Variants in PARD3B observed in about 807,000 individuals in gnomAD.
The protein encoded by PARD3B is partitioning defective 3 homolog B.
PARD3B carries 103 observed loss-of-function variants against 130.2 expected under a neutral mutation model. The observed-to-expected ratio is 0.79, with a 90% CI of 0.67 to 0.93. The LOEUF (loss-of-function observed/expected upper bound fraction) is 0.93. Among genes scored for constraint, PARD3B ranks in the 40% least tolerant of loss-of-function variants. The probability of loss-of-function intolerance (pLI) is 0.00; values close to 1 mark genes in which losing one functional copy is unlikely to be tolerated. For missense variants in PARD3B, 1,609 were observed against 1,499.2 expected (o/e 1.07, Z -1.21); for synonymous variants, 583 against 553.2 (o/e 1.05, Z -0.76).
rs1340058013 is a variant in PARD3B, at chr2:205,021,245, GTA to G, written c.395-26334_395-26333del. Among the ~76,000 whole-genome samples, 9 of 152,260 alleles carry G rather than the reference GTA, an allele frequency of 5.9e-5. No homozygotes were observed. Among genetic ancestry groups the G allele is most frequent in the Non-Finnish European group, 1.5e-5 (1 of 68,018 alleles). The stretch of plus-strand genomic sequence containing the variant: ...AGTTTGGTAGAAATACATCCACACT[GTA>G]TGAGTCTCAATTTTAAAACTCCCTT... On this transcript the variant is annotated intron_variant, in intron 3 of 22. Transcript: ENST00000406610. The surrounding 1 kb of genome is among the most constrained non-coding windows in gnomAD (Gnocchi z 4.5).
intron 1 of PARD3B, among the ~76,000 whole-genome samples, chr2:204,566,011 A>G (rs955758615): frequency 3.3e-5 from 5 of 152,216 alleles, no homozygotes; most frequent in East Asian, 1.9e-4. Flanking sequence ...TTAACTACCA[A>G]TGAGTGGCAG....
chr2:205,380,340 A>T (rs867848333), intron 18 of PARD3B, among the ~76,000 whole-genome samples: 67 of 16,820 alleles, frequency 4.0e-3, no homozygotes, highest in Non-Finnish European at 4.8e-3. Flanking sequence ...ATATATAAAG[A>T]ATATATAATA....
At chr2:204,648,497 G>A (rs2035349574) in intron 1 of PARD3B, among the ~76,000 whole-genome samples, 1 of 143,800 alleles carries the variant, frequency 7.0e-6, no homozygotes. Context: ...TAAATACTTA[G>A]TAATTCATTA....
At chr2:204,914,583 G>A (rs1423941728) in intron 2 of PARD3B, among the ~76,000 whole-genome samples, 2 of 152,166 alleles carry the variant, frequency 1.3e-5, no homozygotes, top group African/African-American at 4.8e-5. Context: ...GCTGTTTCCT[G>A]TGAAAAACAG....
chr2:205,364,416 C>T (rs2044521656), intron 18 of PARD3B, among the ~76,000 whole-genome samples: 1 of 152,216 alleles, frequency 6.6e-6, no homozygotes, highest in Non-Finnish European at 1.5e-5. Flanking sequence ...CTGAGTCCTC[C>T]TTGTTACAGG....
At chr2:204,978,174 G>A (rs1233423324) in intron 3 of PARD3B, among the ~76,000 whole-genome samples, 4 of 152,124 alleles carry the variant, frequency 2.6e-5, no homozygotes, top group Non-Finnish European at 5.9e-5. Context: ...AGAAGACTGG[G>A]GAGTGGCATT....
intron 6 of PARD3B, among the ~76,000 whole-genome samples, chr2:205,118,713 T>C (rs906614491): frequency 6.6e-6 from 1 of 152,218 alleles, no homozygotes; most frequent in African/African-American, 2.4e-5. Flanking sequence ...TTGGTACTTA[T>C]GCATATTTAT....
intron 2 of PARD3B, among the ~76,000 whole-genome samples, chr2:204,956,348 A>G (rs1690235638): frequency 6.6e-6 from 1 of 152,198 alleles, no homozygotes; most frequent in African/African-American, 2.4e-5. Flanking sequence ...TTGAATATGG[A>G]TGTTACAATA....
intron 4 of PARD3B, among the ~76,000 whole-genome samples, chr2:205,050,436 C>T (rs1000539949): frequency 6.6e-6 from 1 of 151,436 alleles, no homozygotes; most frequent in African/African-American, 2.4e-5. Flanking sequence ...TTAATATATC[C>T]TTGCATAGCC....
chr2:205,424,936 A>C (rs1162782496), intron 19 of PARD3B, among the ~76,000 whole-genome samples: 1 of 152,212 alleles, frequency 6.6e-6, no homozygotes, highest in Non-Finnish European at 1.5e-5. Context: ...GGAGAATATA[A>C]ATAAAATAAA....
chr2:205,493,708 C>G (rs1300790914), intron 20 of PARD3B, among the ~76,000 whole-genome samples: 1 of 149,592 alleles, frequency 6.7e-6, no homozygotes, highest in African/African-American at 2.5e-5. Flanking sequence ...AAAGCCATTT[C>G]TTTTCATTTA....
rs949704823 is a variant in PARD3B at position 204,678,614 on chromosome 2, C to A, written c.121-7567C>A. ...AGTCGTGTGGTCTGACATTAAGCCG[C>A]GTCTAGCCTTAGTCTCTGATGCGCA... On this transcript the variant is annotated intron_variant, in intron 1 of 22. Transcript: ENST00000406610. This position sits in a 1 kb window ranked among gnomAD's most constrained non-coding sequence, Gnocchi z 4.2. Among the ~76,000 whole-genome samples, 1 of 151,990 alleles carries A rather than the reference C, an allele frequency of 6.6e-6. No individual in the cohort carries two copies. The highest frequency in any genetic ancestry group is 1.5e-5 in the Non-Finnish European group (1 of 68,010).
chr2:205,391,121 C>T (rs745808456), intron 18 of PARD3B, among the ~76,000 whole-genome samples: 7 of 152,338 alleles, frequency 4.6e-5, no homozygotes, highest in Middle Eastern at 3.4e-3. Context: ...GTCAAACGGG[C>T]AACCTCCCAC....
chr2:205,237,889 T>C (rs2039141181), intron 15 of PARD3B, among the ~76,000 whole-genome samples: 1 of 152,208 alleles, frequency 6.6e-6, no homozygotes. Flanking sequence ...TGTCCCAGAA[T>C]TGGACCCCAA....
intron 19 of PARD3B, among the ~76,000 whole-genome samples, chr2:205,426,059 C>G (rs2047134921): frequency 6.6e-6 from 1 of 152,020 alleles, no homozygotes; most frequent in Non-Finnish European, 1.5e-5. Context: ...CTTACAATGT[C>G]AGATCTGGTT....
intron 1 of PARD3B, among the ~76,000 whole-genome samples, chr2:204,571,407 A>G (rs1295376992): frequency 6.6e-6 from 1 of 152,184 alleles, no homozygotes; most frequent in Non-Finnish European, 1.5e-5. Context: ...TAACTTTTAC[A>G]TGCTGCCAAG....
chr2:205,213,553 A>G (rs1400037138), intron 15 of PARD3B, among the ~76,000 whole-genome samples: 1 of 152,196 alleles, frequency 6.6e-6, no homozygotes, highest in Non-Finnish European at 1.5e-5. Context: ...TCATCTTACT[A>G]TCTGGGCAGG....
rs1397791916 is a variant in PARD3B, at chr2:205,473,030, G to A, written c.3045-26866G>A. On this transcript the variant is annotated intron_variant, in intron 20 of 22. Coordinates refer to ENST00000406610, the MANE Select transcript of PARD3B (RefSeq NM_001302769.2). The surrounding 1 kb of genome is among the most constrained non-coding windows in gnomAD (Gnocchi z 4.9). ...AAGAGAATGACCAAAAATAGAAGTT[G>A]AAGTGGTCCATTTGAGCTAGAAGCT... Among the ~76,000 whole-genome samples the A allele has an allele frequency of 6.6e-6, 1 of 152,168 alleles. No homozygotes were observed. Among genetic ancestry groups the A allele is most frequent in the East Asian group, 1.9e-4 (1 of 5,196 alleles).
chr2:204,788,587 C>A (rs193188698), intron 2 of PARD3B, among the ~76,000 whole-genome samples: 101 of 152,280 alleles, frequency 6.6e-4, no homozygotes, highest in African/African-American at 2.2e-3. Context: ...GGTAAGATTT[C>A]TTTAAGATAG....
Sources: gnomAD v4.1 joint callset for allele counts (sites outside exome capture counted in the v4.1 genomes callset) on GRCh38, gnomAD v4.1.1 for gene constraint, Gnocchi (gnomAD v3.1) non-coding constraint, MANE v1.5 for transcripts, NCBI Gene and HGNC (gene_info 2026-07-23, HGNC 2026-07-21) for gene names.